Variants in DVL3 observed in about 807,000 individuals in gnomAD.
DVL3 encodes the protein segment polarity protein dishevelled homolog DVL-3.
A neutral mutation model predicts 67.4 loss-of-function variants in DVL3; 27 were observed. The ratio of observed to expected loss-of-function variants is 0.40; its 90% CI spans 0.30 to 0.55. DVL3 has a LOEUF of 0.55. Among genes scored for constraint, DVL3 ranks in the 20% least tolerant of loss-of-function variants. DVL3 has a pLI of 0.46. For synonymous variants in DVL3, 369 were observed against 396.8 expected (o/e 0.93, Z 0.83); for missense variants, 819 against 1,021.5 (o/e 0.80, Z 2.70).
Position 184,167,762 on chromosome 3 carries a change from G to T in DVL3, c.1330+51G>T. On this transcript the variant is annotated intron_variant, in intron 12 of 14. Transcript: ENST00000313143. The surrounding 1 kb of genome is among the most constrained non-coding windows in gnomAD (Gnocchi z 4.6). ...AGGGTGGGTGGGGAGTGATGGGGCA[G>T]GGCAGGCCGGAGGGCCCAGGACTTG... is the stretch of plus-strand genomic sequence containing the variant. 6.3e-7 allele frequency: 1 copy of T among 1,590,672 alleles called. No homozygotes were observed. The highest frequency in any genetic ancestry group is 1.2e-5 in the South Asian group (1 of 85,946).
rs771279117 is a variant in DVL3 at position 184,165,392 on chromosome 3, C to T, written c.694-30C>T. ...TGGGAGTGAATTCCTGCCACCTCCACCTGCTGCTCAGGGCCTCTGTCTATT... is the reference window on the plus strand; with the variant it reads ...TGGGAGTGAATTCCTGCCACCTCCATCTGCTGCTCAGGGCCTCTGTCTATT... On this transcript the variant is annotated intron_variant, in intron 6 of 14. Coordinates refer to ENST00000313143, the MANE Select transcript of DVL3 (RefSeq NM_004423.4). The surrounding 1 kb of genome is among the most constrained non-coding windows in gnomAD (Gnocchi z 4.1). The T allele has an allele frequency of 1.2e-5, 19 of 1,611,778 alleles. No homozygotes were observed. The highest frequency in any genetic ancestry group is 4.0e-5 in the African/African-American group (3 of 74,862).
Position 184,170,582 on chromosome 3 carries a change from C to A in DVL3, c.1978C>A (p.Pro660Thr). ...HPSYGPPGVP[P>T]LYGPPMLMMP... ...GAGCTACGGTCCTCCCGGAGTGCCCCCTCTCTACGGCCCCCCCATGCTGAT... is the reference window on the plus strand; with the variant it reads ...GAGCTACGGTCCTCCCGGAGTGCCCACTCTCTACGGCCCCCCCATGCTGAT... The change falls in exon 15 of 15, where the codon CCT (proline) becomes ACT (threonine). Residue 660 changes from proline (P) to threonine (T), a missense_variant. Coordinates refer to ENST00000313143, the MANE Select transcript of DVL3 (RefSeq NM_004423.4). This position sits in a 1 kb window ranked among gnomAD's most constrained non-coding sequence, Gnocchi z 6.5. 1 of 1,611,832 alleles carries A rather than the reference C, an allele frequency of 6.2e-7. No homozygotes were observed. Among genetic ancestry groups the A allele is most frequent in the Non-Finnish European group, 8.5e-7 (1 of 1,178,866 alleles).
Position 184,166,887 on chromosome 3 carries a change from C to A in DVL3, c.1110C>A (p.Gly370=). 1 of 1,614,164 alleles carries A rather than the reference C, an allele frequency of 6.2e-7. No individual in the cohort carries two copies. ...AWVSHTAAMT[G]TFPAYGMSPS... Reference sequence around the variant, plus strand: ...TCTCCCACACTGCAGCCATGACCGGCACCTTCCCTGCATACGGCATGAGCC... The same window carrying A: ...TCTCCCACACTGCAGCCATGACCGGAACCTTCCCTGCATACGGCATGAGCC... Residue 370 remains glycine, a synonymous_variant, in exon 11 of 15, where the codon GGC becomes GGA. Coordinates refer to ENST00000313143, the MANE Select transcript of DVL3 (RefSeq NM_004423.4). This position sits in a 1 kb window ranked among gnomAD's most constrained non-coding sequence, Gnocchi z 6.7.
chr3:184,168,195 A>G, intron 13 of DVL3, 130 bp downstream of exon 13: 1 of 1,063,596 alleles, frequency 9.4e-7, no homozygotes, highest in Non-Finnish European at 1.4e-6. Flanking sequence ...TCAAGGCCTG[A>G]GAGTTCTATG....
intron 13 of DVL3, among the ~76,000 whole-genome samples, chr3:184,168,408 A>G (rs1171561194): frequency 6.6e-6 from 1 of 152,200 alleles, no homozygotes; most frequent in African/African-American, 2.4e-5. Context: ...TCAAGGTCTC[A>G]GCTAGGGTGT....
chr3:184,161,916 T>C (rs899659951), intron 1 of DVL3, among the ~76,000 whole-genome samples: 1 of 152,178 alleles, frequency 6.6e-6, no homozygotes, highest in African/African-American at 2.4e-5. Flanking sequence ...GATCATAGTC[T>C]GCCCACTGAG....
Position 184,170,792 on chromosome 3 carries a change from C to T in DVL3, c.*37C>T, listed in dbSNP as rs1714804401. On this transcript the variant is annotated 3_prime_UTR_variant, in exon 15 of 15. Transcript: ENST00000313143. The surrounding 1 kb of genome is among the most constrained non-coding windows in gnomAD (Gnocchi z 6.5). The stretch of plus-strand genomic sequence containing the variant: ...CCCCCAGCTCCATTCCGCTCCCACC[C>T]CAGCCGGCTGCGTTCCTCTCTCCAT... 1 of 1,608,864 alleles carries T rather than the reference C, an allele frequency of 6.2e-7. No homozygotes were observed. Among genetic ancestry groups the T allele is most frequent in the Non-Finnish European group, 8.5e-7 (1 of 1,177,970 alleles).
intron 13 of DVL3, among the ~76,000 whole-genome samples, chr3:184,168,874 G>A (rs1714694418): frequency 6.6e-6 from 1 of 152,190 alleles, no homozygotes; most frequent in African/African-American, 2.4e-5. Context: ...ATTAAGGAAT[G>A]TATAATTTCC....
chr3:184,172,524 G>A lies in DVL3; in HGVS notation c.*1769G>A, dbSNP rs568563252. On this transcript the variant is annotated 3_prime_UTR_variant, in exon 15 of 15. Coordinates refer to ENST00000313143, the MANE Select transcript of DVL3 (RefSeq NM_004423.4). The stretch of plus-strand genomic sequence containing the variant: ...TGAGACAGGTGGATCACTTGAGGTC[G>A]GGAGTTCGAGACCAGCCTGGCCAAC... 7.2e-5 allele frequency: 11 copies of A among 152,048 alleles called. No homozygotes were observed. Among genetic ancestry groups the A allele is most frequent in the Non-Finnish European group, 1.6e-4 (11 of 68,032 alleles). The allele number at this position is 152,048 out of a possible 1,614,324, so 9.4% of individuals were successfully genotyped here.
In DVL3 at chr3:184,173,263, G is replaced by A. The variant is rs1368631735; in HGVS notation, c.*2508G>A. On this transcript the variant is annotated 3_prime_UTR_variant, in exon 15 of 15. Coordinates refer to ENST00000313143, the MANE Select transcript of DVL3 (RefSeq NM_004423.4). ...GCTCACCAGCTAGAAACATTTATGA[G>A]CTTACATTCCTTCTTCCCATATCTT... 6.6e-6 allele frequency: 1 copy of A among 152,208 alleles called. No individual in the cohort carries two copies. Among genetic ancestry groups the A allele is most frequent in the Non-Finnish European group, 1.5e-5 (1 of 68,036 alleles). The allele number at this position is 152,208 out of a possible 1,614,324, so 9.4% of individuals were successfully genotyped here.
rs1418995595 is a variant in DVL3, at chr3:184,167,661, A to G, written c.1280A>G (p.Glu427Gly). 6.2e-7 allele frequency: 1 copy of G among 1,604,116 alleles called. No homozygotes were observed. Among genetic ancestry groups the G allele is most frequent in the East Asian group, 2.3e-5 (1 of 44,174 alleles). ...KAMASPESGLEVRDRMWLKIT... is the reference protein window; with the variant it reads ...KAMASPESGLGVRDRMWLKIT... ...ATGGCCTCCCCTGAATCAGGGTTGGAGGTCCGTGACCGCATGTGGCTCAAG... is the reference window on the plus strand; with the variant it reads ...ATGGCCTCCCCTGAATCAGGGTTGGGGGTCCGTGACCGCATGTGGCTCAAG... Residue 427 changes from glutamate (E) to glycine (G), a missense_variant, in exon 12 of 15, where the codon GAG (glutamate) becomes GGG (glycine). Around this residue, in one of 3 missense-constraint regions of DVL3, gnomAD observed 110 missense variants for 203.4 expected, o/e 0.54. Transcript: ENST00000313143. This position sits in a 1 kb window ranked among gnomAD's most constrained non-coding sequence, Gnocchi z 4.6.
At position 184,166,713 on chromosome 3, in the gene DVL3, CA is replaced by C. The variant is rs753323268; in HGVS notation, c.1048+41del. 6.2e-7 allele frequency: 1 copy of C among 1,611,932 alleles called. No individual in the cohort carries two copies. The highest frequency in any genetic ancestry group is 8.5e-7 in the Non-Finnish European group (1 of 1,178,660). ...GACTCAGTCCTAAAGCTGGTGCTTA[CA>C]TACATGAGCACTGTCTCTCCTTTCT... On this transcript the variant is annotated intron_variant, in intron 10 of 14. Transcript: ENST00000313143. This position sits in a 1 kb window ranked among gnomAD's most constrained non-coding sequence, Gnocchi z 6.7.
chr3:184,171,304 C>T lies in DVL3; in HGVS notation c.*549C>T. The T allele has an allele frequency of 3.9e-6, 4 of 1,032,706 alleles. No homozygotes were observed. The highest frequency in any genetic ancestry group is 1.1e-4 in the East Asian group (1 of 9,306). 64.0% of individuals were successfully genotyped at this position (1,032,706 alleles called of 1,614,324 possible). A position where few individuals can be genotyped will look rare whatever the true frequency, so the allele number is the denominator to read the frequency against. The stretch of plus-strand genomic sequence containing the variant: ...CTGCCTGCTGCCTCAGTCCTGCAAC[C>T]TAAAGCTGTAGTCGCCTCCAATAGC... On this transcript the variant is annotated 3_prime_UTR_variant, in exon 15 of 15. Coordinates refer to ENST00000313143, the MANE Select transcript of DVL3 (RefSeq NM_004423.4).
At position 184,167,895 on chromosome 3, in the gene DVL3, C is replaced by T. The variant is rs1714655170; in HGVS notation, c.1331-3C>T. The T allele has an allele frequency of 6.2e-7, 1 of 1,614,140 alleles. No homozygotes were observed. The highest frequency in any genetic ancestry group is 8.5e-7 in the Non-Finnish European group (1 of 1,180,058). Reference sequence around the variant, plus strand: ...CCCCATCAACTGGCAGCCTTGTCCCCAGGCTCAGATGTGGTGGACTGGCTG... The same window carrying T: ...CCCCATCAACTGGCAGCCTTGTCCCTAGGCTCAGATGTGGTGGACTGGCTG... On this transcript the variant is annotated splice_polypyrimidine_tract_variant and splice_region_variant and intron_variant, in intron 12 of 14. Coordinates refer to ENST00000313143, the MANE Select transcript of DVL3 (RefSeq NM_004423.4). This position sits in a 1 kb window ranked among gnomAD's most constrained non-coding sequence, Gnocchi z 4.6.
chr3:184,156,875 C>A (rs2109017467), intron 1 of DVL3: 1 of 194,730 alleles, frequency 5.1e-6, no homozygotes, highest in South Asian at 8.3e-5. Flanking sequence ...CTGAGGCCTG[C>A]ACTGCTCTTT....
In DVL3 at chr3:184,167,303, A is replaced by G. The variant is rs929529865; in HGVS notation, c.1199-277A>G. 3.9e-5 allele frequency among the ~76,000 whole-genome samples: 6 copies of G among 152,196 alleles called. No homozygotes were observed. Among genetic ancestry groups the G allele is most frequent in the African/African-American group, 1.4e-4 (6 of 41,454 alleles). ...TTGCGATGTGTGGTGTAAAGTAAGCATTCAGTAAACGGCAGCCATTTCGAT... is the reference window on the plus strand; with the variant it reads ...TTGCGATGTGTGGTGTAAAGTAAGCGTTCAGTAAACGGCAGCCATTTCGAT... On this transcript the variant is annotated intron_variant, in intron 11 of 14. Coordinates refer to ENST00000313143, the MANE Select transcript of DVL3 (RefSeq NM_004423.4). The surrounding 1 kb of genome is among the most constrained non-coding windows in gnomAD (Gnocchi z 4.6).
chr3:184,164,629 C>G lies in DVL3; in HGVS notation c.463+28C>G, dbSNP rs1709640. 2.0e-5 allele frequency: 31 copies of G among 1,550,680 alleles called. No homozygotes were observed. The East Asian group carries it at 6.3e-4, about 32-fold the overall frequency. On this transcript the variant is annotated intron_variant, in intron 4 of 14. Coordinates refer to ENST00000313143, the MANE Select transcript of DVL3 (RefSeq NM_004423.4). This position sits in a 1 kb window ranked among gnomAD's most constrained non-coding sequence, Gnocchi z 5.3. ...ATATCTTCCTGAACACGGACACTGT[C>G]CGCACCTCACACCCTCCCCTCACTT...
Position 184,164,988 on chromosome 3 carries a change from C to T in DVL3, c.599+57C>T. 6.2e-7 allele frequency: 1 copy of T among 1,611,788 alleles called. No individual in the cohort carries two copies. The highest frequency in any genetic ancestry group is 1.7e-4 in the Middle Eastern group (1 of 6,046). ...CAGGTGACCCTGGAGGAGCCCTAAA[C>T]CCTGAGGATGCGGGGCCCCTGGGAG... On this transcript the variant is annotated intron_variant, in intron 5 of 14. Coordinates refer to ENST00000313143, the MANE Select transcript of DVL3 (RefSeq NM_004423.4). This position sits in a 1 kb window ranked among gnomAD's most constrained non-coding sequence, Gnocchi z 5.3.
In DVL3 at chr3:184,164,221, C is replaced by T. The variant is rs199666189; in HGVS notation, c.232-46C>T. ...GCTGGAAGTGAACTATCCCCTTCTC[C>T]TTGATGCTCCTGTAACATACTACTC... On this transcript the variant is annotated intron_variant, in intron 2 of 14. Coordinates refer to ENST00000313143, the MANE Select transcript of DVL3 (RefSeq NM_004423.4). The surrounding 1 kb of genome is among the most constrained non-coding windows in gnomAD (Gnocchi z 5.3). 353 of 1,600,250 alleles carry T rather than the reference C, an allele frequency of 2.2e-4. 1 individual carries two copies. In the African/African-American group the frequency reaches 4.5e-3, roughly 20 times the overall value.
Sources: gnomAD v4.1 joint callset for allele counts (sites outside exome capture counted in the v4.1 genomes callset) on GRCh38, gnomAD v4.1.1 for gene constraint, gnomAD v4.1.1 regional missense constraint, Gnocchi (gnomAD v3.1) non-coding constraint, MANE v1.5 for transcripts, NCBI Gene and HGNC (gene_info 2026-07-23, HGNC 2026-07-21) for gene names.